SUN1: variants seen among roughly 807,000 people sequenced by gnomAD.
SUN1 encodes the protein SUN domain-containing protein 1.
A neutral mutation model predicts 103.2 loss-of-function variants in SUN1; 61 were observed. The ratio of observed to expected loss-of-function variants is 0.59; its 90% CI spans 0.48 to 0.73. The LOEUF is 0.73. Ranked by LOEUF, SUN1 falls within the 30% of genes least tolerant of loss-of-function variation. The pLI is 0.00. For synonymous variants in SUN1, 490 were observed against 425.7 expected (o/e 1.15, Z -1.86); for missense variants, 1,052 against 1,034.6 (o/e 1.02, Z -0.23).
intron 2 of SUN1, 130 bp downstream of exon 2, chr7:839,116 G>T (rs968904067): frequency 3.8e-5 from 34 of 896,088 alleles, no homozygotes; most frequent in Non-Finnish European, 4.5e-5. Flanking sequence ...TGCGTGTACA[G>T]ACACACAAAC....
Position 849,851 on chromosome 7 carries a change from C to T in SUN1, c.659-1533C>T, listed in dbSNP as rs117913589. The T allele has an allele frequency of 9.9e-3, 14,504 of 1,461,542 alleles. 87 individuals carry two copies. The highest frequency in any genetic ancestry group is 0.012 in the Non-Finnish European group (12,772 of 1,062,596). 90.5% of individuals were successfully genotyped at this position (1,461,542 alleles called of 1,614,324 possible). On this transcript the variant is annotated intron_variant, in intron 5 of 18. Coordinates refer to ENST00000401592, the MANE Select transcript of SUN1 (RefSeq NM_001130965.3). ...TCCCAGTTTCTACAGACTGCCATTG[C>T]TATGCACGGCTGAGATGGACAGAGT...
intron 13 of SUN1, among the ~76,000 whole-genome samples, chr7:859,534 TA>T (rs535698961): frequency 3.6e-4 from 55 of 152,176 alleles, no homozygotes; most frequent in Admixed American, 3.5e-3. Context: ...GTGCCATTGT[TA>T]GGGGGTGTGG....
intron 1 of SUN1, among the ~76,000 whole-genome samples, chr7:818,998 G>A (rs1000716521): frequency 2.6e-5 from 4 of 151,848 alleles, no homozygotes; most frequent in Admixed American, 6.6e-5. Context: ...CGAATAGCTG[G>A]GATTACAGGT....
At chr7:866,730 G>A (rs1318155416) in intron 16 of SUN1, among the ~76,000 whole-genome samples, 108 of 4,548 alleles carry the variant, frequency 0.024, 9 homozygotes, top group African/African-American at 0.071. Flanking sequence ...CCCGCCCCCC[G>A]TCCCACCGGG....
chr7:857,487 C>A (rs1828603968), intron 12 of SUN1, among the ~76,000 whole-genome samples: 1 of 152,182 alleles, frequency 6.6e-6, no homozygotes, highest in African/African-American at 2.4e-5. Flanking sequence ...GCATGAGCCA[C>A]CGCACCCAGT....
chr7:849,403 C>T (rs1205446850), intron 5 of SUN1: 4 of 724,224 alleles, frequency 5.5e-6, no homozygotes, highest in Non-Finnish European at 8.4e-6. Flanking sequence ...GCTGTGGGAA[C>T]TCTGTGGAAG....
chr7:858,652 C>T (rs763241202), intron 13 of SUN1, among the ~76,000 whole-genome samples: 4 of 152,202 alleles, frequency 2.6e-5, no homozygotes, highest in Admixed American at 6.5e-5. Context: ...ATATCATAGA[C>T]ATTGCTTCAA....
At chr7:828,539 T>C (rs1013992592), upstream of SUN1, among the ~76,000 whole-genome samples, 2 of 152,258 alleles carry the variant, frequency 1.3e-5, no homozygotes, top group African/African-American at 4.8e-5. Context: ...CCCAAAGTGC[T>C]GGGATTACAG....
chr7:849,639 G>A (rs374587353), intron 5 of SUN1: 115 of 1,529,512 alleles, frequency 7.5e-5, no homozygotes, highest in Non-Finnish European at 9.2e-5. Context: ...GGCGTCGGTC[G>A]TGGAGTTGGT....
chr7:851,558 A>G, intron 6 of SUN1, 76 bp downstream of exon 6: 4 of 1,231,974 alleles, frequency 3.2e-6, no homozygotes, highest in Non-Finnish European at 4.6e-6. Context: ...GATTTACCTA[A>G]CCAAGTAAAA....
At position 874,710 on chromosome 7, in the gene SUN1, A is replaced by G. The variant is rs915588991; in HGVS notation, c.*1379A>G. 4 of 152,170 alleles carry G rather than the reference A, an allele frequency of 2.6e-5. No individual in the cohort carries two copies. The highest frequency in any genetic ancestry group is 1.3e-4 in the Admixed American group (2 of 15,278). 9.4% of individuals were successfully genotyped at this position (152,170 alleles called of 1,614,324 possible). ...TATAAATCAAAATTTCCTATATAAA[A>G]CTGATTTGGGATTTGGGGTGGAAAT... On this transcript the variant is annotated 3_prime_UTR_variant, in exon 19 of 19. Coordinates refer to ENST00000401592, the MANE Select transcript of SUN1 (RefSeq NM_001130965.3).
chr7:855,047 AAATC>A (rs1486838827), intron 11 of SUN1, 41 bp downstream of exon 11: 2 of 1,446,450 alleles, frequency 1.4e-6, no homozygotes, highest in Admixed American at 3.6e-5. Context: ...AATAAAAAGA[AAATC>A]AACTATGGCT....
chr7:853,096 C>A, intron 9 of SUN1, 144 bp downstream of exon 9: 2 of 1,115,920 alleles, frequency 1.8e-6, no homozygotes, highest in Non-Finnish European at 2.5e-6. Context: ...GTCTTTGGAG[C>A]TCCTTAAGTG....
intron 16 of SUN1, chr7:869,067 A>G: frequency 9.6e-6 from 4 of 418,110 alleles, no homozygotes; most frequent in Admixed American, 3.9e-5. Flanking sequence ...ACCAAGGACC[A>G]TTGACCTTCA....
chr7:843,194 T>TG lies in SUN1; in HGVS notation c.452-12_452-11insG, dbSNP rs1811886281. 6.7e-6 allele frequency: 9 copies of TG among 1,338,810 alleles called. No homozygotes were observed. The highest frequency in any genetic ancestry group is 8.9e-6 in the Non-Finnish European group (9 of 1,007,584). The allele number at this position is 1,338,810 out of a possible 1,614,324, so 82.9% of individuals were successfully genotyped here. A position where few individuals can be genotyped will look rare whatever the true frequency, so the allele number is the denominator to read the frequency against. On this transcript the variant is annotated splice_polypyrimidine_tract_variant and intron_variant, in intron 3 of 18. Transcript: ENST00000401592. ...AGCAAAAATGTGTGTGTGTGTGTGT[T>TG]TTTTTTTTTAGGTCTTGATGATGAT... is the stretch of plus-strand genomic sequence containing the variant.
Position 843,321 on chromosome 7 carries a change from C to G in SUN1, c.479-20C>G, listed in dbSNP as rs1422516142. The G allele has an allele frequency of 6.2e-7, 1 of 1,604,140 alleles. No individual in the cohort carries two copies. The highest frequency in any genetic ancestry group is 8.5e-7 in the Non-Finnish European group (1 of 1,176,500). ...GCAGACTGTGATAAACAGGTTCCAT[C>G]TACTGTTTGAAAACTTTAGGTGGAA... On this transcript the variant is annotated intron_variant, in intron 4 of 18. Coordinates refer to ENST00000401592, the MANE Select transcript of SUN1 (RefSeq NM_001130965.3).
At chr7:870,260 ATTTTC>A (rs1840539507) in intron 17 of SUN1, among the ~76,000 whole-genome samples, 1 of 151,964 alleles carries the variant, frequency 6.6e-6, no homozygotes, top group African/African-American at 2.4e-5. Flanking sequence ...AAGCTTTAAA[ATTTTC>A]ATAAAGTATT....
At chr7:862,244 C>G (rs1160976012) in intron 15 of SUN1, among the ~76,000 whole-genome samples, 4 of 152,312 alleles carry the variant, frequency 2.6e-5, no homozygotes, top group Admixed American at 2.0e-4. Flanking sequence ...ATGCTGTGTT[C>G]AGTACACGTT....
At chr7:817,356 G>A (rs1197546406) in intron 1 of SUN1, 2 of 1,488,454 alleles carry the variant, frequency 1.3e-6, no homozygotes, top group African/African-American at 1.4e-5. Flanking sequence ...GCCTGGAGGC[G>A]CGCGCGTGGT....
Sources: gnomAD v4.1 joint callset for allele counts (sites outside exome capture counted in the v4.1 genomes callset) on GRCh38, gnomAD v4.1.1 for gene constraint, MANE v1.5 for transcripts, NCBI Gene and HGNC (gene_info 2026-07-23, HGNC 2026-07-21) for gene names.